NEGR1: variants seen among roughly 807,000 people sequenced by gnomAD.
NEGR1 encodes the protein IgLON family member 4.
Under a neutral mutation model 40.9 loss-of-function variants are expected in NEGR1, and 10 were observed. The ratio of observed to expected loss-of-function variants is 0.24; its 90% CI spans 0.15 to 0.42. NEGR1 has a LOEUF of 0.42. Among genes scored for constraint, NEGR1 ranks in the 10% least tolerant of loss-of-function variants. The pLI is 1.00. For missense variants in NEGR1, 352 were observed against 438.9 expected (o/e 0.80, Z 1.77); for synonymous variants, 185 against 166.8 (o/e 1.11, Z -0.84).
At chr1:72,142,689 C>T (rs79169630) in intron 1 of NEGR1, among the ~76,000 whole-genome samples, 2,676 of 151,870 alleles carry the variant, frequency 0.018, 31 homozygotes, top group Non-Finnish European at 0.027. Context: ...CTTACATATA[C>T]AATCTCATTG....
chr1:71,643,813 G>T (rs1253132236), intron 4 of NEGR1, among the ~76,000 whole-genome samples: 1 of 151,940 alleles, frequency 6.6e-6, no homozygotes, highest in Non-Finnish European at 1.5e-5. Context: ...TATTTGATAT[G>T]ATTTGGAATT....
intron 1 of NEGR1, among the ~76,000 whole-genome samples, chr1:72,085,111 T>G (rs547855037): frequency 6.6e-6 from 1 of 152,300 alleles, no homozygotes; most frequent in South Asian, 2.1e-4. Flanking sequence ...AAAATCCAAG[T>G]GATTACACCA....
chr1:72,200,355 T>C (rs909618492), intron 1 of NEGR1, among the ~76,000 whole-genome samples: 2 of 151,980 alleles, frequency 1.3e-5, no homozygotes, highest in African/African-American at 2.4e-5. Context: ...AATGAAATCA[T>C]GTCCTCTGAA....
chr1:72,262,973 C>T (rs1655507163), intron 1 of NEGR1, among the ~76,000 whole-genome samples: 1 of 151,784 alleles, frequency 6.6e-6, no homozygotes, highest in Non-Finnish European at 1.5e-5. Flanking sequence ...TAAAATTCCA[C>T]ACTGTATTTC....
chr1:72,111,038 G>T (rs1649344760), intron 1 of NEGR1, among the ~76,000 whole-genome samples: 1 of 149,548 alleles, frequency 6.7e-6, no homozygotes, highest in Non-Finnish European at 1.5e-5. Flanking sequence ...AGGAGAAAAA[G>T]GTAATTACAC....
intron 2 of NEGR1, among the ~76,000 whole-genome samples, chr1:71,854,817 C>G (rs1212989384): frequency 6.6e-6 from 1 of 152,064 alleles, no homozygotes; most frequent in Admixed American, 6.6e-5. Flanking sequence ...TGGGGGTAAC[C>G]GTCCCCATGA....
intron 1 of NEGR1, among the ~76,000 whole-genome samples, chr1:72,073,877 T>C (rs993998858): frequency 7.9e-5 from 12 of 152,020 alleles, no homozygotes; most frequent in Non-Finnish European, 1.6e-4. Context: ...GGATTTTATA[T>C]GATACTGAGC....
intron 2 of NEGR1, among the ~76,000 whole-genome samples, chr1:71,813,010 C>T (rs1244280440): frequency 6.6e-6 from 1 of 152,030 alleles, no homozygotes; most frequent in African/African-American, 2.4e-5. Flanking sequence ...TTTCTCCATG[C>T]CTATGTCCCG....
intron 3 of NEGR1, among the ~76,000 whole-genome samples, chr1:71,760,720 G>A (rs1406460834): frequency 6.6e-6 from 1 of 152,032 alleles, no homozygotes; most frequent in African/African-American, 2.4e-5. Context: ...TAACATCAAA[G>A]AGCAGAGTGT....
intron 6 of NEGR1, among the ~76,000 whole-genome samples, chr1:71,499,953 A>G (rs1437726461): frequency 6.6e-6 from 1 of 152,146 alleles, no homozygotes; most frequent in East Asian, 1.9e-4. Context: ...CACAGCTATC[A>G]TAATGATGTG....
intron 4 of NEGR1, among the ~76,000 whole-genome samples, chr1:71,629,158 C>A (rs1167860069): frequency 6.6e-6 from 1 of 152,012 alleles, no homozygotes; most frequent in African/African-American, 2.4e-5. Flanking sequence ...TCTCTAATGA[C>A]CAGTGATAAT....
intron 1 of NEGR1, among the ~76,000 whole-genome samples, chr1:72,202,995 T>A (rs1302363778): frequency 6.6e-6 from 1 of 152,068 alleles, no homozygotes; most frequent in Admixed American, 6.6e-5. Context: ...TAAATATTAC[T>A]GCTCAATGAC....
At chr1:72,233,176 A>G (rs1372497146) in intron 1 of NEGR1, among the ~76,000 whole-genome samples, 1 of 152,196 alleles carries the variant, frequency 6.6e-6, no homozygotes, top group East Asian at 1.9e-4. Flanking sequence ...ACACCTATAT[A>G]TCAAGGTGTG....
intron 4 of NEGR1, among the ~76,000 whole-genome samples, chr1:71,650,113 T>A (rs769679680): frequency 6.6e-6 from 1 of 152,086 alleles, no homozygotes; most frequent in Non-Finnish European, 1.5e-5. Context: ...TTTTTATGTA[T>A]CTTCAAATAA....
chr1:71,974,267 G>A (rs1433389920), intron 1 of NEGR1, among the ~76,000 whole-genome samples: 1 of 152,126 alleles, frequency 6.6e-6, no homozygotes, highest in East Asian at 1.9e-4. Flanking sequence ...AAGCTTGAGA[G>A]TCTCCTATCT....
At chr1:71,868,472 ATAC>A (rs1191490751) in intron 2 of NEGR1, among the ~76,000 whole-genome samples, 6 of 27,848 alleles carry the variant, frequency 2.2e-4, no homozygotes, top group African/African-American at 1.8e-3. Context: ...GATAGACAGA[ATAC>A]ATACATACAT....
At chr1:71,666,129 C>T (rs1652232864) in intron 4 of NEGR1, among the ~76,000 whole-genome samples, 3 of 152,136 alleles carry the variant, frequency 2.0e-5, no homozygotes, top group Non-Finnish European at 2.9e-5. Flanking sequence ...CACAAATGAA[C>T]GTAAATACTT....
At position 72,101,929 on chromosome 1, in the gene NEGR1, C is replaced by T. The variant is rs534066826; in HGVS notation, c.177-166618G>A. Among the ~76,000 whole-genome samples, 37 of 152,174 alleles carry T rather than the reference C, an allele frequency of 2.4e-4. No individual in the cohort carries two copies. In the South Asian group the frequency reaches 7.1e-3, roughly 29 times the overall value. On this transcript the variant is annotated intron_variant, in intron 1 of 6. Coordinates refer to ENST00000357731, the MANE Select transcript of NEGR1 (RefSeq NM_173808.3). ...GAGGTATAACAACATTATATTGCTG[C>T]TTTAAATACATGTTAGTTCTTTACA...
intron 2 of NEGR1, among the ~76,000 whole-genome samples, chr1:71,830,412 G>A (rs1235737243): frequency 6.6e-6 from 1 of 151,702 alleles, no homozygotes; most frequent in East Asian, 1.9e-4. Flanking sequence ...CCAGTCATAG[G>A]CAATATGTAA....
Sources: allele counts gnomAD v4.1 joint callset (sites outside exome capture counted in the v4.1 genomes callset), GRCh38; gene constraint gnomAD v4.1.1; transcripts MANE v1.5; gene names NCBI Gene and HGNC (gene_info 2026-07-23, HGNC 2026-07-21).